Variants in WASF2 observed in about 807,000 individuals in gnomAD.
WASF2 encodes WASP family member 2, also known as actin-binding protein WASF2.
A neutral mutation model predicts 45.0 loss-of-function variants in WASF2; 14 were observed. The observed-to-expected ratio is 0.31, with a 90% CI of 0.21 to 0.49. The LOEUF is 0.49. WASF2 is among the 20% of genes least tolerant of loss of function. The probability of loss-of-function intolerance (pLI) is 0.99; values close to 1 mark genes in which losing one functional copy is unlikely to be tolerated. For synonymous variants in WASF2, 200 were observed against 236.3 expected (o/e 0.85, Z 1.41); for missense variants, 439 against 636.1 (o/e 0.69, Z 3.33).
chr1:27,415,019 A>T, intron 5 of WASF2, 56 bp from the exon 6 acceptor site: 6 of 1,599,624 alleles, frequency 3.8e-6, no homozygotes, highest in Non-Finnish European at 5.1e-6. Context: ...GTTCTTCATT[A>T]AAATTCTACC....
At chr1:27,456,592 G>C (rs1483834672) in intron 1 of WASF2, among the ~76,000 whole-genome samples, 1 of 152,132 alleles carries the variant, frequency 6.6e-6, no homozygotes, top group East Asian at 1.9e-4. Context: ...TATCTTGAAA[G>C]TGATCAAATT....
chr1:27,433,008 C>A (rs1289555915), intron 1 of WASF2, among the ~76,000 whole-genome samples: 1 of 152,212 alleles, frequency 6.6e-6, no homozygotes, highest in African/African-American at 2.4e-5. Flanking sequence ...AGCAATCTTC[C>A]CACCTTGGCC....
chr1:27,412,065 T>C (rs1191508663), intron 7 of WASF2, among the ~76,000 whole-genome samples: 5 of 152,214 alleles, frequency 3.3e-5, no homozygotes, highest in Admixed American at 2.6e-4. Flanking sequence ...AGTTTACTCA[T>C]TGTAACATGG....
chr1:27,463,067 G>T (rs1408032378), intron 1 of WASF2, among the ~76,000 whole-genome samples: 1 of 152,092 alleles, frequency 6.6e-6, no homozygotes, highest in African/African-American at 2.4e-5. Flanking sequence ...TGATCCGCCT[G>T]CCTGGACCTC....
intron 1 of WASF2, among the ~76,000 whole-genome samples, chr1:27,453,114 G>T (rs183330921): frequency 8.3e-4 from 125 of 151,326 alleles, no homozygotes; most frequent in Admixed American, 2.0e-3. Flanking sequence ...GGCTGAGGCA[G>T]GAGAATTGCT....
chr1:27,441,404 G>T (rs544734792), intron 1 of WASF2, among the ~76,000 whole-genome samples: 2 of 151,472 alleles, frequency 1.3e-5, no homozygotes, highest in East Asian at 3.9e-4. Flanking sequence ...GAGGTGGGTG[G>T]ATCACTTGAG....
At chr1:27,440,384 C>A (rs761714088) in intron 1 of WASF2, among the ~76,000 whole-genome samples, 10 of 152,052 alleles carry the variant, frequency 6.6e-5, no homozygotes, top group Non-Finnish European at 1.5e-4. Flanking sequence ...TAGCTGAATG[C>A]AGTGGCGCAC....
chr1:27,438,877 G>T (rs1351545788), intron 1 of WASF2, among the ~76,000 whole-genome samples: 1 of 152,198 alleles, frequency 6.6e-6, no homozygotes, highest in Admixed American at 6.5e-5. Flanking sequence ...TAATGGCCAA[G>T]CCACCAGCAA....
chr1:27,483,271 A>G (rs1011768716), intron 1 of WASF2, among the ~76,000 whole-genome samples: 2 of 151,968 alleles, frequency 1.3e-5, no homozygotes, highest in African/African-American at 4.8e-5. Context: ...GGAGTTTTAG[A>G]CCAGCCTGAC....
chr1:27,486,611 G>T (rs778697727), intron 1 of WASF2, among the ~76,000 whole-genome samples: 3 of 152,130 alleles, frequency 2.0e-5, no homozygotes, highest in South Asian at 4.1e-4. Flanking sequence ...TCCTTAGGTT[G>T]AAATCACAGT....
chr1:27,408,726 CACAAACAGA>C, intron 8 of WASF2, among the ~76,000 whole-genome samples: 2 of 151,146 alleles, frequency 1.3e-5, no homozygotes, highest in Admixed American at 1.3e-4. Context: ...TTTTGAGGAT[CACAAACAGA>C]ACAAACCACG....
rs761927330 is a variant in WASF2 at position 27,409,747 on chromosome 1, G to A, written c.1284C>T (p.Ser428=). The change falls in exon 8 of 9, where the codon TCC becomes TCT. Residue 428 remains serine (S), a synonymous_variant. Coordinates refer to ENST00000618852, the MANE Select transcript of WASF2 (RefSeq NM_006990.5). ...PPLSDTTKPK[S]SLPAVSDARS... Reference sequence around the variant, plus strand: ...GGGCATCGCTCACGGCAGGCAAGGAGGACTTGGGCTTGGTGGTATCAGAAA... The same window carrying A: ...GGGCATCGCTCACGGCAGGCAAGGAAGACTTGGGCTTGGTGGTATCAGAAA... 2.6e-6 allele frequency: 4 copies of A among 1,523,900 alleles called. No individual in the cohort carries two copies. Among genetic ancestry groups the A allele is most frequent in the Non-Finnish European group, 3.5e-6 (4 of 1,138,630 alleles). The allele number at this position is 1,523,900 out of a possible 1,614,324, so 94.4% of individuals were successfully genotyped here.
chr1:27,450,939 G>A (rs1438025677), intron 1 of WASF2, among the ~76,000 whole-genome samples: 6 of 151,622 alleles, frequency 4.0e-5, no homozygotes, highest in African/African-American at 1.5e-4. Context: ...AGCCAGGCAT[G>A]GTGGCTCACA....
At chr1:27,489,350 C>CACACAT (rs2017995351) in intron 1 of WASF2, among the ~76,000 whole-genome samples, 1 of 86,146 alleles carries the variant, frequency 1.2e-5, no homozygotes, top group African/African-American at 5.9e-5. Context: ...CTTCATGGTA[C>CACACAT]ACACACACAC....
rs1263455497 is a variant in WASF2 at position 27,410,763 on chromosome 1, T to C, written c.825-557A>G. On this transcript the variant is annotated intron_variant, in intron 7 of 8. Transcript: ENST00000618852. This position sits in a 1 kb window ranked among gnomAD's most constrained non-coding sequence, Gnocchi z 4.2. ...GGATATAGATTTAGGTGAATGCATC[T>C]TCAGTGCTCATGTGGGGAAATCTTG... Among the ~76,000 whole-genome samples the C allele has an allele frequency of 6.6e-6, 1 of 152,216 alleles. No individual in the cohort carries two copies. The highest frequency in any genetic ancestry group is 6.5e-5 in the Admixed American group (1 of 15,278).
chr1:27,421,679 G>A (rs1288887778), intron 2 of WASF2, among the ~76,000 whole-genome samples: 1 of 152,204 alleles, frequency 6.6e-6, no homozygotes, highest in Non-Finnish European at 1.5e-5. Flanking sequence ...AGATGGGCAT[G>A]GTGGCAGGCG....
intron 1 of WASF2, among the ~76,000 whole-genome samples, chr1:27,452,333 T>TGA (rs2017394373): frequency 6.6e-6 from 1 of 151,860 alleles, no homozygotes; most frequent in Admixed American, 6.6e-5. Flanking sequence ...GCCAACATGG[T>TGA]GAAAACCCAT....
chr1:27,415,070 C>A, intron 5 of WASF2, 107 bp from the exon 6 acceptor site: 3 of 1,392,450 alleles, frequency 2.2e-6, no homozygotes, highest in Non-Finnish European at 3.0e-6. Context: ...TCTGCCTAGA[C>A]AACATACAAT....
At chr1:27,418,551 T>C (rs1297292748) in intron 3 of WASF2, 129 bp from the exon 4 acceptor site, 2 of 1,305,676 alleles carry the variant, frequency 1.5e-6, no homozygotes, top group Non-Finnish European at 2.1e-6. Context: ...GGCTTTTTTT[T>C]TCCCTCCCCC....
Sources: gnomAD v4.1 joint callset for allele counts (sites outside exome capture counted in the v4.1 genomes callset) on GRCh38, gnomAD v4.1.1 for gene constraint, Gnocchi (gnomAD v3.1) non-coding constraint, MANE v1.5 for transcripts, NCBI Gene and HGNC (gene_info 2026-07-23, HGNC 2026-07-21) for gene names.